Variants in ADAMTS12 observed in about 807,000 individuals in gnomAD.
ADAMTS12 encodes the protein ADAM metallopeptidase with thrombospondin type 1 motif 12.
In ADAMTS12, 118 loss-of-function variants were observed where a neutral mutation model predicts 167.8. That is an observed-to-expected ratio of 0.70 (90% CI 0.61 to 0.82). The LOEUF (loss-of-function observed/expected upper bound fraction) is 0.82, where lower values mean the gene tolerates loss of function less well. Ranked by LOEUF, ADAMTS12 falls within the 40% of genes least tolerant of loss-of-function variation. ADAMTS12 has a pLI of 0.00. For missense variants in ADAMTS12, 1,916 were observed against 1,998.8 expected (o/e 0.96, Z 0.79); for synonymous variants, 704 against 716.9 (o/e 0.98, Z 0.29).
chr5:33,630,671 C>T, intron 13 of ADAMTS12, 109 bp downstream of exon 13: 1 of 1,184,434 alleles, frequency 8.4e-7, no homozygotes, highest in Non-Finnish European at 1.2e-6. Context: ...ATATAAAAAA[C>T]AGATGAGGTG....
intron 3 of ADAMTS12, among the ~76,000 whole-genome samples, chr5:33,747,547 C>G (rs1288200926): frequency 6.6e-6 from 1 of 152,084 alleles, no homozygotes; most frequent in Non-Finnish European, 1.5e-5. Flanking sequence ...GTGGAATGAA[C>G]CCAGTACTGG....
chr5:33,562,124 T>C (rs1413250500), intron 19 of ADAMTS12, among the ~76,000 whole-genome samples: 1 of 152,200 alleles, frequency 6.6e-6, no homozygotes, highest in Non-Finnish European at 1.5e-5. Flanking sequence ...ATGCAGATTC[T>C]GATTCAGTAG....
At chr5:33,735,229 G>T (rs1744329461) in intron 3 of ADAMTS12, among the ~76,000 whole-genome samples, 1 of 152,194 alleles carries the variant, frequency 6.6e-6, no homozygotes, top group Admixed American at 6.5e-5. Flanking sequence ...TTAAAATGCA[G>T]ATACTGTGCC....
At position 33,588,228 on chromosome 5, in the gene ADAMTS12, T is replaced by A. The variant is rs148360795; in HGVS notation, c.2865+371A>T. Among the ~76,000 whole-genome samples, 474 of 152,302 alleles carry A rather than the reference T, an allele frequency of 3.1e-3. 1 individual carries two copies. The highest frequency in any genetic ancestry group is 0.011 in the African/African-American group (448 of 41,564). Reference sequence around the variant, plus strand: ...TTGGTTTGGGTTAACTACAGTGATGTGCAGTCAATGTTTTATAAACCACTT... The same window carrying A: ...TTGGTTTGGGTTAACTACAGTGATGAGCAGTCAATGTTTTATAAACCACTT... On this transcript the variant is annotated intron_variant, in intron 18 of 23. Coordinates refer to ENST00000504830, the MANE Select transcript of ADAMTS12 (RefSeq NM_030955.4).
intron 17 of ADAMTS12, among the ~76,000 whole-genome samples, chr5:33,591,804 G>A (rs765590155): frequency 5.9e-5 from 9 of 152,030 alleles, no homozygotes; most frequent in African/African-American, 1.2e-4. Flanking sequence ...ATTTTTCGTC[G>A]TCACAAATCA....
chr5:33,648,613 A>T (rs536234930), intron 9 of ADAMTS12, among the ~76,000 whole-genome samples: 1 of 152,332 alleles, frequency 6.6e-6, no homozygotes, highest in East Asian at 1.9e-4. Context: ...GTTGCAATGG[A>T]ATATAGGCTT....
At chr5:33,872,944 C>T (rs1008144741) in intron 2 of ADAMTS12, among the ~76,000 whole-genome samples, 11 of 152,156 alleles carry the variant, frequency 7.2e-5, no homozygotes, top group African/African-American at 2.7e-4. Flanking sequence ...AGATAAAACT[C>T]TTCAATTTAA....
intron 18 of ADAMTS12, among the ~76,000 whole-genome samples, chr5:33,584,524 T>C (rs2111993347): frequency 6.6e-6 from 1 of 152,288 alleles, no homozygotes; most frequent in Admixed American, 6.5e-5. Context: ...CTTCAGCACA[T>C]TTGGGTACGA....
At chr5:33,809,042 C>T (rs1188923266) in intron 2 of ADAMTS12, among the ~76,000 whole-genome samples, 1 of 152,154 alleles carries the variant, frequency 6.6e-6, no homozygotes, top group East Asian at 1.9e-4. Flanking sequence ...CTATGGATTC[C>T]ATTCTTTTTC....
At chr5:33,634,904 C>G (rs12110020) in intron 12 of ADAMTS12, among the ~76,000 whole-genome samples, 90,885 of 151,754 alleles carry the variant, frequency 0.6, 27,352 homozygotes, top group Non-Finnish European at 0.63. Context: ...CTCTGTCACC[C>G]AGGCTGGAGT....
chr5:33,699,131 T>C (rs1031965273), intron 3 of ADAMTS12, among the ~76,000 whole-genome samples: 2 of 152,046 alleles, frequency 1.3e-5, no homozygotes, highest in Non-Finnish European at 1.5e-5. Context: ...TACTCCAGCC[T>C]GGGCAACAAA....
intron 2 of ADAMTS12, among the ~76,000 whole-genome samples, chr5:33,767,298 T>C (rs1378938549): frequency 6.6e-6 from 1 of 152,236 alleles, no homozygotes; most frequent in Non-Finnish European, 1.5e-5. Context: ...CTCTCTTCTA[T>C]ACTTTCAGTA....
intron 1 of ADAMTS12, among the ~76,000 whole-genome samples, chr5:33,889,905 T>A (rs1173745986): frequency 6.6e-6 from 1 of 151,994 alleles, no homozygotes; most frequent in Non-Finnish European, 1.5e-5. Context: ...TGAGCTGAGA[T>A]TGCACCACCG....
chr5:33,823,645 T>C (rs1747946303), intron 2 of ADAMTS12, among the ~76,000 whole-genome samples: 1 of 116,362 alleles, frequency 8.6e-6, no homozygotes, highest in South Asian at 2.5e-4. Flanking sequence ...TGCTATAACA[T>C]TTTCTGCCTT....
intron 3 of ADAMTS12, among the ~76,000 whole-genome samples, chr5:33,731,367 T>G (rs1160067578): frequency 1.3e-5 from 2 of 152,114 alleles, no homozygotes; most frequent in African/African-American, 4.8e-5. Flanking sequence ...TTCTTTTCTC[T>G]ACATTAAAGT....
chr5:33,876,362 G>A (rs1370676493), intron 2 of ADAMTS12, among the ~76,000 whole-genome samples: 1 of 152,294 alleles, frequency 6.6e-6, no homozygotes, highest in Non-Finnish European at 1.5e-5. Context: ...ACTAAAATGG[G>A]AGGAATCAGT....
At chr5:33,760,625 C>T (rs1269272982) in intron 2 of ADAMTS12, among the ~76,000 whole-genome samples, 1 of 152,118 alleles carries the variant, frequency 6.6e-6, no homozygotes, top group Non-Finnish European at 1.5e-5. Context: ...TCTGGATAAA[C>T]CAACGAAATC....
chr5:33,711,712 T>C (rs547980260), intron 3 of ADAMTS12, among the ~76,000 whole-genome samples: 3 of 152,296 alleles, frequency 2.0e-5, no homozygotes, highest in African/African-American at 7.2e-5. Context: ...TCTCTGAAAA[T>C]GTCTAGAGTT....
intron 3 of ADAMTS12, among the ~76,000 whole-genome samples, chr5:33,707,267 G>A (rs931679626): frequency 2.6e-5 from 4 of 151,952 alleles, no homozygotes; most frequent in African/African-American, 9.7e-5. Context: ...ACCTCTTCAA[G>A]GAGAACTACA....
Sources: allele counts gnomAD v4.1 joint callset (sites outside exome capture counted in the v4.1 genomes callset), GRCh38; gene constraint gnomAD v4.1.1; transcripts MANE v1.5; gene names NCBI Gene and HGNC (gene_info 2026-07-23, HGNC 2026-07-21).